Variants in LSAMP observed in about 807,000 individuals in gnomAD.
LSAMP encodes limbic system-associated membrane protein.
In LSAMP, 7 loss-of-function variants were observed where a neutral mutation model predicts 38.6. That is an observed-to-expected ratio of 0.18 (90% CI 0.10 to 0.34). LSAMP has a LOEUF of 0.34. Among genes scored for constraint, LSAMP ranks in the 10% least tolerant of loss-of-function variants. The pLI is 1.00. For missense variants in LSAMP, 313 were observed against 420.0 expected (o/e 0.75, Z 2.23); for synonymous variants, 154 against 166.8 (o/e 0.92, Z 0.59).
rs1933779569 is a variant in LSAMP, at chr3:115,810,280, T to C, written c.*37A>G. ...CTCTGTATTCTGTGTGACGCATTTT[T>C]GTGTGTTTTTTAAATTATTTTTAAA... On this transcript the variant is annotated 3_prime_UTR_variant, in exon 7 of 7. Transcript: ENST00000490035. The C allele has an allele frequency of 7.3e-7, 1 of 1,376,586 alleles. No homozygotes were observed. The highest frequency in any genetic ancestry group is 1.0e-6 in the Non-Finnish European group (1 of 991,946). 85.3% of individuals were successfully genotyped at this position (1,376,586 alleles called of 1,614,324 possible). A position where few individuals can be genotyped will look rare whatever the true frequency, so the allele number is the denominator to read the frequency against.
chr3:116,164,422 A>G (rs1024999883), intron 1 of LSAMP, among the ~76,000 whole-genome samples: 2 of 150,874 alleles, frequency 1.3e-5, no homozygotes, highest in African/African-American at 4.9e-5. Context: ...GTTGGTGCAA[A>G]CATAATTGCG....
At chr3:115,943,856 G>C (rs1346397692) in intron 3 of LSAMP, among the ~76,000 whole-genome samples, 1 of 152,176 alleles carries the variant, frequency 6.6e-6, no homozygotes, top group Non-Finnish European at 1.5e-5. Context: ...CCTCAAACAA[G>C]CCTTTGGGGA....
intron 2 of LSAMP, among the ~76,000 whole-genome samples, chr3:116,045,619 T>C (rs1941274321): frequency 6.7e-6 from 1 of 149,328 alleles, no homozygotes; most frequent in Non-Finnish European, 1.5e-5. Flanking sequence ...TGCAAAGCAG[T>C]GAGAAACAAG....
intron 1 of LSAMP, among the ~76,000 whole-genome samples, chr3:116,176,637 T>C (rs1576413003): frequency 6.6e-6 from 1 of 152,256 alleles, no homozygotes; most frequent in South Asian, 2.1e-4. Context: ...CCATACCAAA[T>C]TTTTGTTTGT....
intron 3 of LSAMP, among the ~76,000 whole-genome samples, chr3:115,924,497 T>G (rs1301875274): frequency 1.3e-5 from 2 of 152,214 alleles, no homozygotes; most frequent in Non-Finnish European, 2.9e-5. Context: ...GTCCAAATGT[T>G]GCCTTCATAT....
chr3:116,371,855 G>A (rs1052707990), intron 1 of LSAMP, among the ~76,000 whole-genome samples: 7 of 151,864 alleles, frequency 4.6e-5, no homozygotes, highest in East Asian at 3.9e-4. Context: ...CAAAATCAAC[G>A]CACAAAATCA....
intron 1 of LSAMP, among the ~76,000 whole-genome samples, chr3:116,162,960 C>T (rs566470173): frequency 5.9e-5 from 9 of 152,104 alleles, no homozygotes; most frequent in Non-Finnish European, 1.0e-4. Context: ...TACATGTTCC[C>T]CCATCCCTGG....
chr3:116,291,942 G>GTCTT (rs2047272283), intron 1 of LSAMP, among the ~76,000 whole-genome samples: 1 of 152,104 alleles, frequency 6.6e-6, no homozygotes, highest in Non-Finnish European at 1.5e-5. Context: ...TGGACTTTTG[G>GTCTT]TCTTTATCTC....
At chr3:116,432,836 G>A (rs1410753448) in intron 1 of LSAMP, among the ~76,000 whole-genome samples, 3 of 152,080 alleles carry the variant, frequency 2.0e-5, no homozygotes, top group Non-Finnish European at 4.4e-5. Flanking sequence ...GCAGTTGATT[G>A]TTGTGGTGAT....
chr3:115,967,485 C>T (rs1029221379), intron 3 of LSAMP, among the ~76,000 whole-genome samples: 1 of 152,176 alleles, frequency 6.6e-6, no homozygotes, highest in Admixed American at 6.5e-5. Context: ...CTGTTCCAAC[C>T]TCTGCCTGTT....
intron 1 of LSAMP, among the ~76,000 whole-genome samples, chr3:116,215,011 C>T (rs2046203030): frequency 6.6e-6 from 1 of 152,142 alleles, no homozygotes; most frequent in African/African-American, 2.4e-5. Flanking sequence ...TAAAATGATA[C>T]TTTGGGTTAT....
chr3:116,252,501 T>C (rs1292175401), intron 1 of LSAMP, among the ~76,000 whole-genome samples: 1 of 152,162 alleles, frequency 6.6e-6, no homozygotes, highest in African/African-American at 2.4e-5. Flanking sequence ...TGCTTTTTTC[T>C]CATGCTGCCT....
intron 2 of LSAMP, among the ~76,000 whole-genome samples, chr3:116,043,419 A>G (rs996745395): frequency 2.0e-5 from 3 of 152,164 alleles, no homozygotes; most frequent in African/African-American, 7.2e-5. Flanking sequence ...CTGATTCTCT[A>G]CTTTGCTTGA....
intron 1 of LSAMP, among the ~76,000 whole-genome samples, chr3:116,328,306 GAC>G (rs2047801667): frequency 6.6e-6 from 1 of 152,142 alleles, no homozygotes; most frequent in Non-Finnish European, 1.5e-5. Flanking sequence ...TTGCAAGCCT[GAC>G]ACTGATGATG....
At chr3:116,102,997 T>C (rs1240594513) in intron 1 of LSAMP, among the ~76,000 whole-genome samples, 4 of 152,086 alleles carry the variant, frequency 2.6e-5, no homozygotes, top group African/African-American at 9.7e-5. Context: ...ATCACAGTAT[T>C]ACCCACCCCC....
intron 1 of LSAMP, among the ~76,000 whole-genome samples, chr3:116,232,815 C>A (rs1284406021): frequency 2.1e-5 from 3 of 145,072 alleles, no homozygotes; most frequent in Non-Finnish European, 3.0e-5. Flanking sequence ...GTTAAATGAA[C>A]CTAGCTGGGT....
intron 3 of LSAMP, among the ~76,000 whole-genome samples, chr3:115,920,339 TATC>T (rs1250784367): frequency 6.6e-6 from 1 of 152,216 alleles, no homozygotes; most frequent in Non-Finnish European, 1.5e-5. Context: ...CTCTACATCC[TATC>T]CAACACTTGT....
At chr3:115,996,431 A>T (rs1461614410) in intron 3 of LSAMP, among the ~76,000 whole-genome samples, 1 of 152,172 alleles carries the variant, frequency 6.6e-6, no homozygotes, top group Non-Finnish European at 1.5e-5. Context: ...TGTTGTAACA[A>T]GAATTTCAAA....
At chr3:116,188,785 C>A (rs893385749) in intron 1 of LSAMP, among the ~76,000 whole-genome samples, 2 of 152,148 alleles carry the variant, frequency 1.3e-5, no homozygotes, top group African/African-American at 2.4e-5. Flanking sequence ...TGATGTCTTT[C>A]TCTAAGAGGC....
Sources: allele counts gnomAD v4.1 joint callset (sites outside exome capture counted in the v4.1 genomes callset), GRCh38; gene constraint gnomAD v4.1.1; transcripts MANE v1.5; gene names NCBI Gene and HGNC (gene_info 2026-07-23, HGNC 2026-07-21).